Variants in ADGRV1 observed in about 807,000 individuals in gnomAD.
ADGRV1 encodes the protein adhesion G protein-coupled receptor V1, also known as G-protein coupled receptor 98.
In ADGRV1, 359 loss-of-function variants were observed where a neutral mutation model predicts 596.2. That is an observed-to-expected ratio of 0.60 (90% CI 0.55 to 0.66). The LOEUF (loss-of-function observed/expected upper bound fraction) is 0.66, where lower values mean the gene tolerates loss of function less well. Among genes scored for constraint, ADGRV1 ranks in the 30% least tolerant of loss-of-function variants. The probability of loss-of-function intolerance (pLI) is 0.00; values close to 1 mark genes in which losing one functional copy is unlikely to be tolerated. For synonymous variants in ADGRV1, 2,681 were observed against 2,679.2 expected (o/e 1.00, Z -0.02); for missense variants, 7,274 against 7,575.6 (o/e 0.96, Z 1.48).
chr5:90,667,962 C>A (rs1561490225), intron 21 of ADGRV1, among the ~76,000 whole-genome samples: 2 of 151,784 alleles, frequency 1.3e-5, no homozygotes, highest in Non-Finnish European at 2.9e-5. Flanking sequence ...AGGCAGTCTG[C>A]CCGTTCTCAG....
At chr5:90,879,321 T>C (rs1769525474) in intron 83 of ADGRV1, among the ~76,000 whole-genome samples, 1 of 152,160 alleles carries the variant, frequency 6.6e-6, no homozygotes, top group Admixed American at 6.5e-5. Flanking sequence ...ATGCACATTT[T>C]GGAAACAAAA....
intron 50 of ADGRV1, 43 bp from the exon 51 acceptor site, chr5:90,745,003 A>T (rs754393372): frequency 6.5e-6 from 9 of 1,392,908 alleles, no homozygotes; most frequent in African/African-American, 1.4e-5. Flanking sequence ...GGGAGGTGAC[A>T]GTTTATATCT....
chr5:90,964,727 C>CAA (rs60760571), intron 83 of ADGRV1, among the ~76,000 whole-genome samples: 1,631 of 121,386 alleles, frequency 0.013, 30 homozygotes, highest in African/African-American at 0.043. Context: ...GACTAATAGC[C>CAA]AAAAAAAAAA....
chr5:90,704,956 A>G (rs1430728538), intron 36 of ADGRV1, among the ~76,000 whole-genome samples: 2 of 151,972 alleles, frequency 1.3e-5, no homozygotes, highest in Admixed American at 1.3e-4. Flanking sequence ...GACTACAGGC[A>G]TGCACTACCA....
chr5:90,731,900 A>G (rs1752600367), intron 50 of ADGRV1, among the ~76,000 whole-genome samples: 1 of 152,200 alleles, frequency 6.6e-6, no homozygotes, highest in Admixed American at 6.5e-5. Context: ...ACTTTCTAAA[A>G]CGAACACTTT....
chr5:90,862,895 C>T (rs1767740754), intron 82 of ADGRV1, among the ~76,000 whole-genome samples: 1 of 152,184 alleles, frequency 6.6e-6, no homozygotes, highest in African/African-American at 2.4e-5. Context: ...AAGTTTGTTC[C>T]ACAGCTTCAA....
chr5:91,161,668 A>T (rs1476275736), intron 89 of ADGRV1, among the ~76,000 whole-genome samples: 2 of 151,712 alleles, frequency 1.3e-5, no homozygotes, highest in Admixed American at 1.3e-4. Flanking sequence ...TTTGTTAAGC[A>T]TTTTGCTTTA....
intron 39 of ADGRV1, among the ~76,000 whole-genome samples, chr5:90,709,982 C>A (rs781467835): frequency 6.6e-6 from 1 of 152,178 alleles, no homozygotes; most frequent in Non-Finnish European, 1.5e-5. Flanking sequence ...AGAGAAGCTG[C>A]GTAATATGCC....
At chr5:91,122,842 G>T (rs1793441743) in intron 87 of ADGRV1, among the ~76,000 whole-genome samples, 1 of 152,146 alleles carries the variant, frequency 6.6e-6, no homozygotes, top group South Asian at 2.1e-4. Flanking sequence ...GCTGAGCTTG[G>T]CTTACTCTCA....
chr5:90,645,823 G>T, intron 15 of ADGRV1, 145 bp from the exon 16 acceptor site: 1 of 506,382 alleles, frequency 2.0e-6, no homozygotes, highest in Non-Finnish European at 3.1e-6. Context: ...ACCTGAATGT[G>T]TTAGGGGAAG....
At chr5:90,575,051 C>A (rs1158039141) in intron 1 of ADGRV1, among the ~76,000 whole-genome samples, 3 of 151,432 alleles carry the variant, frequency 2.0e-5, no homozygotes, top group African/African-American at 7.3e-5. Context: ...TTTTTGGTTT[C>A]ATTAATCTTT....
chr5:90,666,418 C>T (rs765220648), intron 21 of ADGRV1, among the ~76,000 whole-genome samples: 11 of 152,004 alleles, frequency 7.2e-5, no homozygotes, highest in Non-Finnish European at 1.5e-4. Flanking sequence ...TGTGTTTTAT[C>T]AGAGAGTAGG....
rs750412622 is a variant in ADGRV1, at chr5:90,810,612, A to C, written c.15352A>C (p.Ser5118Arg). The change falls in exon 74 of 90, where the codon AGT becomes CGT. Residue 5118 changes from serine (S) to arginine (R), a missense_variant. Transcript: ENST00000405460. ...NWSPRLNLDF[S>R]VAVITILDND... ...GAGCCCACGCCTGAATCTAGATTTC[A>C]GTGTTGCAGTGATTACAATATTGGA... 6.2e-7 allele frequency: 1 copy of C among 1,613,868 alleles called. No homozygotes were observed. The highest frequency in any genetic ancestry group is 8.5e-7 in the Non-Finnish European group (1 of 1,179,890).
Position 90,755,261 on chromosome 5 carries a change from G to A in ADGRV1, c.11580+76G>A, listed in dbSNP as rs920562720. On this transcript the variant is annotated intron_variant, in intron 55 of 89. Coordinates refer to ENST00000405460, the MANE Select transcript of ADGRV1 (RefSeq NM_032119.4). The stretch of plus-strand genomic sequence containing the variant: ...AAGTAAAATTGTGATGCTCTTGTAA[G>A]TAAAAATCTTTTTTTTAATAAAAGG... 31 of 933,506 alleles carry A rather than the reference G, an allele frequency of 3.3e-5. No individual in the cohort carries two copies. The South Asian group carries it at 5.8e-4, about 18-fold the overall frequency. 57.8% of individuals were successfully genotyped at this position (933,506 alleles called of 1,614,324 possible).
At chr5:90,698,054 T>A (rs1216370994) in intron 34 of ADGRV1, among the ~76,000 whole-genome samples, 1 of 152,172 alleles carries the variant, frequency 6.6e-6, no homozygotes, top group African/African-American at 2.4e-5. Flanking sequence ...TACTTCCAAC[T>A]TGCAAGTTTA....
At chr5:91,031,068 T>C in intron 85 of ADGRV1, 1 of 1,492,972 alleles carries the variant, frequency 6.7e-7, no homozygotes. Context: ...CTGCCAATCA[T>C]ATAGGGATGA....
At chr5:90,860,952 A>G (rs1229015409) in intron 82 of ADGRV1, among the ~76,000 whole-genome samples, 1 of 152,178 alleles carries the variant, frequency 6.6e-6, no homozygotes, top group Non-Finnish European at 1.5e-5. Flanking sequence ...CAAATAATGA[A>G]GATGTTTATA....
chr5:91,155,099 T>C (rs1341440696), intron 89 of ADGRV1, among the ~76,000 whole-genome samples: 1 of 151,904 alleles, frequency 6.6e-6, no homozygotes, highest in African/African-American at 2.4e-5. Context: ...GAATCCTGAG[T>C]GAGGGGATGA....
At chr5:90,714,823 CTAATAGCA>C (rs1225027104) in intron 42 of ADGRV1, among the ~76,000 whole-genome samples, 1 of 152,072 alleles carries the variant, frequency 6.6e-6, no homozygotes, top group Admixed American at 6.6e-5. Flanking sequence ...TATTTATGTG[CTAATAGCA>C]TACTGCTTTA....
Sources: allele counts gnomAD v4.1 joint callset (sites outside exome capture counted in the v4.1 genomes callset), GRCh38; gene constraint gnomAD v4.1.1; transcripts MANE v1.5; gene names NCBI Gene and HGNC (gene_info 2026-07-23, HGNC 2026-07-21).